The following SLC37A3 variants were observed in gnomAD, a reference collection of about 807,000 sequenced individuals.
SLC37A3 encodes the protein solute carrier family 37 member 3.
In SLC37A3, 51 loss-of-function variants were observed where a neutral mutation model predicts 67.1. The observed-to-expected ratio is 0.76, with a 90% CI of 0.61 to 0.96. SLC37A3 has a LOEUF of 0.96. Ranked by LOEUF, SLC37A3 falls within the 40% of genes least tolerant of loss-of-function variation. The pLI, the probability that SLC37A3 is intolerant of heterozygous loss-of-function variation, is 0.00. For synonymous variants in SLC37A3, 214 were observed against 231.4 expected, an observed-to-expected ratio of 0.92 and a Z score of 0.68; for missense variants, 508 against 603.0, an observed-to-expected ratio of 0.84 and a Z score of 1.65.
intron 4 of SLC37A3, among the ~76,000 whole-genome samples, chr7:140,365,919 CTTTTTTTTTTTTTTTT>C (rs71170981): frequency 9.1e-4 from 40 of 43,902 alleles, no homozygotes; most frequent in East Asian, 3.7e-3. Flanking sequence ...ACAATACATG[CTTTTTTTTTTTTTTTT>C]TTTTTTTTTT....
chr7:140,338,633 G>A (rs1465938025), intron 13 of SLC37A3, among the ~76,000 whole-genome samples: 6 of 151,910 alleles, frequency 3.9e-5, no homozygotes, highest in African/African-American at 7.3e-5. Context: ...CACCATGCTC[G>A]GCTAATTTTT....
intron 1 of SLC37A3, among the ~76,000 whole-genome samples, chr7:140,393,999 T>C (rs1167918970): frequency 6.6e-6 from 1 of 151,932 alleles, no homozygotes; most frequent in African/African-American, 2.4e-5. Flanking sequence ...GGTGAAACCC[T>C]GTCTCTACAA....
chr7:140,367,101 G>A (rs1457755258), intron 4 of SLC37A3, among the ~76,000 whole-genome samples: 1 of 151,570 alleles, frequency 6.6e-6, no homozygotes, highest in Non-Finnish European at 1.5e-5. Flanking sequence ...TTGTGCCACT[G>A]CACTCCAGCC....
chr7:140,337,530 C>A, intron 13 of SLC37A3, 181 bp from the exon 14 acceptor site: 1 of 444,828 alleles, frequency 2.2e-6, no homozygotes, highest in East Asian at 3.6e-5. Context: ...CCCATTTAAG[C>A]ATGCAGAGTC....
At chr7:140,336,853 C>A (rs1796151662) in intron 14 of SLC37A3, among the ~76,000 whole-genome samples, 2 of 150,806 alleles carry the variant, frequency 1.3e-5, no homozygotes, top group African/African-American at 2.4e-5. Context: ...AATCCCAGCA[C>A]TTTGGGAGGC....
chr7:140,353,869 G>T (rs1035846568), intron 7 of SLC37A3, among the ~76,000 whole-genome samples: 2 of 151,972 alleles, frequency 1.3e-5, no homozygotes, highest in Non-Finnish European at 2.9e-5. Context: ...CCGTGACCAC[G>T]CCCGGCTAAT....
chr7:140,362,408 G>A (rs1424801468), intron 5 of SLC37A3, among the ~76,000 whole-genome samples: 4 of 93,312 alleles, frequency 4.3e-5, no homozygotes, highest in Admixed American at 1.0e-4. Context: ...CGCCCCGTCC[G>A]GGAGGGAGGT....
intron 5 of SLC37A3, among the ~76,000 whole-genome samples, chr7:140,361,080 T>G (rs1427702410): frequency 6.6e-6 from 1 of 151,030 alleles, no homozygotes. Context: ...CTCAAAGAGG[T>G]GTCATTTGGC....
chr7:140,343,103 T>G (rs1252975312), intron 13 of SLC37A3, among the ~76,000 whole-genome samples: 3 of 152,144 alleles, frequency 2.0e-5, no homozygotes, highest in Non-Finnish European at 4.4e-5. Flanking sequence ...AATACCAAGT[T>G]CAGCCTGGAA....
At chr7:140,351,712 T>A (rs1796810080) in intron 8 of SLC37A3, 1 of 568,228 alleles carries the variant, frequency 1.8e-6, no homozygotes. Flanking sequence ...AGGTTAAGTA[T>A]CTTTTTTGTG....
At chr7:140,380,014 G>A (rs553000361) in intron 3 of SLC37A3, 18 of 222,246 alleles carry the variant, frequency 8.1e-5, no homozygotes, top group African/African-American at 3.9e-4. Context: ...AGACAGAAAC[G>A]AGCACAGCAC....
chr7:140,337,217 A>C, intron 14 of SLC37A3, 67 bp downstream of exon 14: 5 of 1,314,448 alleles, frequency 3.8e-6, no homozygotes, highest in Non-Finnish European at 5.1e-6. Context: ...GAAGTGACTT[A>C]AGTAAGTGCT....
At chr7:140,342,397 G>A (rs1460929763) in intron 13 of SLC37A3, among the ~76,000 whole-genome samples, 2 of 151,980 alleles carry the variant, frequency 1.3e-5, no homozygotes, top group African/African-American at 2.4e-5. Flanking sequence ...CCTTACTAAC[G>A]CCTTCTCAAA....
intron 14 of SLC37A3, among the ~76,000 whole-genome samples, chr7:140,335,778 A>G (rs1248757401): frequency 6.6e-6 from 1 of 152,224 alleles, no homozygotes; most frequent in African/African-American, 2.4e-5. Context: ...GCTCAGATGA[A>G]CAACAGTGAT....
chr7:140,371,172 T>TTTTA (rs888905013), intron 3 of SLC37A3, among the ~76,000 whole-genome samples: 2 of 152,188 alleles, frequency 1.3e-5, no homozygotes, highest in Admixed American at 6.5e-5. Context: ...TTCTTTCTAT[T>TTTTA]TTTATTTATT....
chr7:140,365,981 A>G (rs1160728497), intron 4 of SLC37A3, among the ~76,000 whole-genome samples: 1 of 114,896 alleles, frequency 8.7e-6, no homozygotes, highest in Non-Finnish European at 1.6e-5. Flanking sequence ...TCTGTCATCC[A>G]GGCTGGAATG....
In SLC37A3 at chr7:140,352,321, T is replaced by C; in HGVS notation, c.619-175A>G. 4.9e-6 allele frequency: 3 copies of C among 608,938 alleles called. No homozygotes were observed. In the South Asian group the frequency reaches 6.0e-5, roughly 12 times the overall value. The allele number at this position is 608,938 out of a possible 1,614,324, so 37.7% of individuals were successfully genotyped here. A position where few individuals can be genotyped will look rare whatever the true frequency, so the allele number is the denominator to read the frequency against. ...CCGGGCGCCATGCAAAGTGTTCTAC[T>C]CGTGTTTTCTCATTTAATTCTTCCT... On this transcript the variant is annotated intron_variant, in intron 7 of 14. Coordinates refer to ENST00000326232, the MANE Select transcript of SLC37A3 (RefSeq NM_207113.3).
At chr7:140,373,784 A>T (rs1178602431) in intron 3 of SLC37A3, among the ~76,000 whole-genome samples, 1 of 151,458 alleles carries the variant, frequency 6.6e-6, no homozygotes, top group East Asian at 1.9e-4. Context: ...GGGACTACAG[A>T]CACACTCCAC....
intron 3 of SLC37A3, among the ~76,000 whole-genome samples, chr7:140,372,445 A>G (rs554772941): frequency 6.6e-6 from 1 of 152,322 alleles, no homozygotes; most frequent in East Asian, 1.9e-4. Flanking sequence ...TGACAATGCA[A>G]GAGCAGTGGA....
Sources: gnomAD v4.1 joint callset for allele counts (sites outside exome capture counted in the v4.1 genomes callset) on GRCh38, gnomAD v4.1.1 for gene constraint, MANE v1.5 for transcripts, NCBI Gene and HGNC (gene_info 2026-07-23, HGNC 2026-07-21) for gene names.